Variants in ZNF831 observed in about 807,000 individuals in gnomAD.
ZNF831 encodes the protein zinc finger protein 831.
ZNF831 carries 59 observed loss-of-function variants against 95.8 expected under a neutral mutation model. The observed-to-expected ratio is 0.62, with a 90% confidence interval of 0.50 to 0.77. The LOEUF is 0.77. ZNF831 is among the 30% of genes least tolerant of loss of function. The pLI is 0.00. For synonymous variants in ZNF831, 961 were observed against 925.5 expected (o/e 1.04, Z -0.70); for missense variants, 2,205 against 2,164.0 (o/e 1.02, Z -0.38).
chr20:59,191,223 C>T lies in ZNF831; in HGVS notation c.204C>T (p.Pro68=), dbSNP rs746677204. 1.9e-6 allele frequency: 3 copies of T among 1,555,528 alleles called. No individual in the cohort carries two copies. Among genetic ancestry groups the T allele is most frequent in the South Asian group, 1.2e-5 (1 of 83,032 alleles). The change falls in exon 2 of 6, where the codon CCC becomes CCT. Residue 68 remains proline (P), a synonymous_variant. Transcript: ENST00000371030. The part of the protein sequence containing the change: ...LPIPLYHTVP[P]GGLQPRAPLV... ...TCCCACTGTACCACACGGTGCCTCC[C>T]GGGGGCCTCCAGCCCCGCGCCCCGC... is the stretch of plus-strand genomic sequence containing the variant.
chr20:59,230,334 T>C (rs1242550476), intron 4 of ZNF831, among the ~76,000 whole-genome samples: 1 of 152,126 alleles, frequency 6.6e-6, no homozygotes, highest in Non-Finnish European at 1.5e-5. Flanking sequence ...TAGCTGGGCA[T>C]GGTGGCGGGT....
At chr20:59,146,833 A>G (rs1268740273) in intron 2 of ZNF831, 4 of 152,224 alleles carry the variant, frequency 2.6e-5, no homozygotes, top group African/African-American at 9.6e-5. Context: ...TGTCCAGCTA[A>G]TTTTTTTAAA....
chr20:59,164,351 C>T (rs1470087051), intron 1 of ZNF831, among the ~76,000 whole-genome samples, 144 bp downstream of exon 1: 3 of 152,192 alleles, frequency 2.0e-5, no homozygotes, highest in Non-Finnish European at 4.4e-5. Context: ...TGACCCAGTT[C>T]AAGTAATTCT....
At chr20:59,123,936 A>G (rs1292427526) in intron 1 of ZNF831, among the ~76,000 whole-genome samples, 1 of 152,180 alleles carries the variant, frequency 6.6e-6, no homozygotes, top group African/African-American at 2.4e-5. Flanking sequence ...GTGACAGTTG[A>G]AAGGATATTA....
At chr20:59,233,883 A>G (rs892711104) in intron 4 of ZNF831, among the ~76,000 whole-genome samples, 3 of 152,226 alleles carry the variant, frequency 2.0e-5, no homozygotes, top group African/African-American at 7.2e-5. Flanking sequence ...AGGGTGGGTC[A>G]CGCATGCATG....
Position 59,233,825 on chromosome 20 carries a change from A to G in ZNF831, c.4028-19153A>G, listed in dbSNP as rs117318156. ...CTAATTTTCTTGGGGATCAGAGCTA[A>G]CAACTCTGATCTGACAATTGCATGC... On this transcript the variant is annotated intron_variant, in intron 4 of 5. Coordinates refer to ENST00000371030, the MANE Select transcript of ZNF831 (RefSeq NM_178457.3). Among the ~76,000 whole-genome samples the G allele has an allele frequency of 2.6e-5, 4 of 152,308 alleles. No individual in the cohort carries two copies. In the East Asian group the frequency reaches 7.7e-4, roughly 29 times the overall value.
chr20:59,137,671 T>C (rs1219534600), intron 1 of ZNF831, among the ~76,000 whole-genome samples: 1 of 152,212 alleles, frequency 6.6e-6, no homozygotes, highest in Non-Finnish European at 1.5e-5. Flanking sequence ...ATCATGAACA[T>C]GGCCACATCC....
chr20:59,187,559 CT>C (rs1417668337), intron 1 of ZNF831, among the ~76,000 whole-genome samples: 1 of 151,952 alleles, frequency 6.6e-6, no homozygotes, highest in Non-Finnish European at 1.5e-5. Flanking sequence ...GCCCAAAGTA[CT>C]TTTAAAAAAT....
intron 1 of ZNF831, among the ~76,000 whole-genome samples, chr20:59,176,960 G>A (rs1049959511): frequency 2.0e-5 from 3 of 152,214 alleles, no homozygotes; most frequent in African/African-American, 7.2e-5. Context: ...AAGCCACGAG[G>A]AATCAAGATA....
chr20:59,233,891 A>G (rs1341667318), intron 4 of ZNF831, among the ~76,000 whole-genome samples: 1 of 152,188 alleles, frequency 6.6e-6, no homozygotes, highest in African/African-American at 2.4e-5. Flanking sequence ...TCACGCATGC[A>G]TGTGCACACA....
chr20:59,150,420 G>T (rs1980162137), intron 2 of ZNF831, among the ~76,000 whole-genome samples: 1 of 152,218 alleles, frequency 6.6e-6, no homozygotes, highest in Admixed American at 6.5e-5. Context: ...AATTTCAGGT[G>T]AACAATGAAT....
In ZNF831 at chr20:59,191,706, G is replaced by A. The variant is rs2146552261; in HGVS notation, c.687G>A (p.Arg229=). Residue 229 remains arginine, a synonymous_variant, in exon 2 of 6, where the codon AGG becomes AGA. Transcript: ENST00000371030. ...KAGEPPRPEG[R]GESRCQGMHE... is the part of the protein sequence containing the mutation. ...GAGAGCCCCCCAGACCAGAGGGCAG[G>A]GGCGAGAGCAGGTGCCAGGGGATGC... 2 of 1,568,510 alleles carry A rather than the reference G, an allele frequency of 1.3e-6. No individual in the cohort carries two copies. Among genetic ancestry groups the A allele is most frequent in the Non-Finnish European group, 1.7e-6 (2 of 1,156,184 alleles).
At chr20:59,137,256 C>A (rs1305438955) in intron 1 of ZNF831, among the ~76,000 whole-genome samples, 1 of 147,824 alleles carries the variant, frequency 6.8e-6, no homozygotes, top group Non-Finnish European at 1.5e-5. Flanking sequence ...CACTAATATG[C>A]CTTTAATATG....
In ZNF831 at chr20:59,192,097, T is replaced by C. The variant is rs2146559739; in HGVS notation, c.1078T>C (p.Cys360Arg). 1.3e-6 allele frequency: 2 copies of C among 1,595,498 alleles called. No individual in the cohort carries two copies. The highest frequency in any genetic ancestry group is 1.7e-6 in the Non-Finnish European group (2 of 1,174,744). Residue 360 changes from cysteine (C) to arginine (R), a missense_variant, in exon 2 of 6, where the codon TGC becomes CGC. Cys to Arg is a radical substitution (Grantham distance 180, BLOSUM62 -3). Coordinates refer to ENST00000371030, the MANE Select transcript of ZNF831 (RefSeq NM_178457.3). The surrounding 1 kb of genome is among the most constrained non-coding windows in gnomAD (Gnocchi z 5.2). ...SDSAEQPHAP[C>R]SPLHSLSEHS... ...CAGCGCGGAGCAGCCGCATGCGCCCTGCAGCCCCCTGCACAGCCTTTCGGA... is the reference window on the plus strand; with the variant it reads ...CAGCGCGGAGCAGCCGCATGCGCCCCGCAGCCCCCTGCACAGCCTTTCGGA...
chr20:59,197,284 T>G (rs1449253307), intron 3 of ZNF831, among the ~76,000 whole-genome samples: 1 of 152,098 alleles, frequency 6.6e-6, no homozygotes, highest in South Asian at 2.1e-4. Flanking sequence ...TGCCAGACTT[T>G]CCCTAATCGC....
At chr20:59,244,136 G>GA (rs1445652484) in intron 4 of ZNF831, among the ~76,000 whole-genome samples, 1 of 151,500 alleles carries the variant, frequency 6.6e-6, no homozygotes, top group East Asian at 1.9e-4. Context: ...TTTCATCAAA[G>GA]AAAGAGAAGA....
In ZNF831 at chr20:59,191,175, T is replaced by C. The variant is rs767596743; in HGVS notation, c.156T>C (p.Thr52=). 5.9e-5 allele frequency: 95 copies of C among 1,600,412 alleles called. 1 individual carries two copies. The Middle Eastern group carries it at 8.3e-4, about 14-fold the overall frequency. Residue 52 remains threonine, a synonymous_variant, in exon 2 of 6, where the codon ACT becomes ACC. Coordinates refer to ENST00000371030, the MANE Select transcript of ZNF831 (RefSeq NM_178457.3). ...LPPEQGLAPP[T]VFLKALPIPL... ...CAGAGCAGGGCCTGGCCCCCCCCAC[T>C]GTGTTCCTGAAGGCCCTGCCCATCC...
At chr20:59,143,419 C>T (rs117206681) in intron 1 of ZNF831, among the ~76,000 whole-genome samples, 12,959 of 152,194 alleles carry the variant, frequency 0.085, 711 homozygotes, top group Non-Finnish European at 0.12. Context: ...CTTAGCTGGT[C>T]GTCCCTTCCT....
chr20:59,161,198 A>G (rs1980834975), upstream of ZNF831, among the ~76,000 whole-genome samples: 2 of 152,200 alleles, frequency 1.3e-5, no homozygotes, highest in African/African-American at 4.8e-5. Context: ...TTGTGCAACC[A>G]TCACTGTGAT....
Sources: gnomAD v4.1 joint callset for allele counts (sites outside exome capture counted in the v4.1 genomes callset) on GRCh38, gnomAD v4.1.1 for gene constraint, Gnocchi (gnomAD v3.1) non-coding constraint, MANE v1.5 for transcripts, NCBI Gene and HGNC (gene_info 2026-07-23, HGNC 2026-07-21) for gene names.